The following UBAP2 variants were observed in gnomAD, a reference collection of about 807,000 sequenced individuals.
UBAP2 encodes the protein ubiquitin-associated protein 2.
UBAP2 carries 75 observed loss-of-function variants against 139.6 expected under a neutral mutation model. The observed-to-expected ratio is 0.54, with a 90% CI of 0.45 to 0.65. The LOEUF is 0.65. Ranked by LOEUF, UBAP2 falls within the 30% of genes least tolerant of loss-of-function variation. UBAP2 has a pLI of 0.00. For missense variants in UBAP2, 1,368 were observed against 1,369.6 expected, an observed-to-expected ratio of 1.00 and a Z score of 0.02; for synonymous variants, 526 against 526.2, an observed-to-expected ratio of 1.00 and a Z score of 0.01.
chr9:34,013,152 C>CAAAAAAAA (rs398010658), intron 2 of UBAP2, among the ~76,000 whole-genome samples: 1 of 78,320 alleles, frequency 1.3e-5, no homozygotes, highest in African/African-American at 5.7e-5. Context: ...GACTCTAGCT[C>CAAAAAAAA]AAAAAAAAAA....
intron 6 of UBAP2, among the ~76,000 whole-genome samples, chr9:33,976,563 G>A (rs946461808): frequency 1.3e-5 from 2 of 152,168 alleles, no homozygotes; most frequent in Non-Finnish European, 2.9e-5. Context: ...ATGATAAAGG[G>A]TAAGGTATAC....
At chr9:34,038,447 T>G (rs995150831) in intron 1 of UBAP2, among the ~76,000 whole-genome samples, 1 of 152,162 alleles carries the variant, frequency 6.6e-6, no homozygotes, top group Non-Finnish European at 1.5e-5. Context: ...CACACCTGAC[T>G]GGTTTTCGTA....
chr9:33,938,214 G>A (rs2130909526), intron 16 of UBAP2, among the ~76,000 whole-genome samples: 1 of 152,120 alleles, frequency 6.6e-6, no homozygotes, highest in Non-Finnish European at 1.5e-5. Context: ...GTCTGGTTGT[G>A]AACTCCTGGG....
intron 2 of UBAP2, among the ~76,000 whole-genome samples, chr9:34,004,377 C>T (rs1479182518): frequency 2.0e-5 from 3 of 151,874 alleles, no homozygotes; most frequent in Non-Finnish European, 2.9e-5. Context: ...CCAGCTACCC[C>T]AGAGGCTAAG....
rs1173608188 is a variant in UBAP2 at position 33,923,840 on chromosome 9, G to A, written c.2751C>T (p.Tyr917=). 3 of 1,614,240 alleles carry A rather than the reference G, an allele frequency of 1.9e-6. No homozygotes were observed. The highest frequency in any genetic ancestry group is 2.5e-6 in the Non-Finnish European group (3 of 1,180,040). ...GGAAGGCACTGGGCATGCCTGTGTA[G>A]TAGGGAAGACCAGTGTAGCTATAGC... ...PPGYSYTGLP[Y]YTGMPSAFQY... The change falls in exon 24 of 29, where the codon TAC becomes TAT. Residue 917 remains tyrosine (Y), a synonymous_variant. Transcript: ENST00000379238.
intron 1 of UBAP2, among the ~76,000 whole-genome samples, chr9:34,024,396 G>A (rs1825232066): frequency 6.6e-6 from 1 of 151,820 alleles, no homozygotes; most frequent in Admixed American, 6.6e-5. Flanking sequence ...TAATTGTAAG[G>A]GCCTCAGGAC....
At chr9:33,932,073 C>T (rs1449820673) in intron 19 of UBAP2, among the ~76,000 whole-genome samples, 4 of 152,106 alleles carry the variant, frequency 2.6e-5, no homozygotes. Flanking sequence ...TGAGCCACAC[C>T]TCAATAACCA....
At chr9:34,003,962 C>T (rs1269575879) in intron 2 of UBAP2, among the ~76,000 whole-genome samples, 5 of 151,934 alleles carry the variant, frequency 3.3e-5, no homozygotes, top group African/African-American at 9.7e-5. Context: ...TCAGGTGATC[C>T]GCCCACCTCG....
intron 16 of UBAP2, among the ~76,000 whole-genome samples, chr9:33,938,489 T>C (rs187769575): frequency 9.2e-5 from 14 of 152,264 alleles, no homozygotes; most frequent in East Asian, 7.7e-4. Context: ...CAAAAACTTA[T>C]GTTGAAACAA....
intron 8 of UBAP2, 103 bp downstream of exon 8, chr9:33,971,548 T>C (rs307680): frequency 0.026 from 19,249 of 743,790 alleles, 883 homozygotes; most frequent in East Asian, 0.13. Flanking sequence ...TGTTTTTCAT[T>C]CTTTTCCATC....
chr9:33,977,297 A>G (rs1820220140), intron 6 of UBAP2, among the ~76,000 whole-genome samples: 1 of 151,998 alleles, frequency 6.6e-6, no homozygotes, highest in Non-Finnish European at 1.5e-5. Context: ...TTAGCCTCCC[A>G]AAGTGCTGGG....
chr9:33,922,986 A>C lies in UBAP2; in HGVS notation c.3052T>G (p.Ser1018Ala). ...STTGLPDMTG[S>A]VYNKTQTFDK... ...CTCACCTGTGTCTTATTGTAGACAG[A>C]ACCAGTCATATCAGGTAGACCAGTG... Residue 1018 changes from serine to alanine, a missense_variant, in exon 27 of 29, where the codon TCT becomes GCT. Ser to Ala is a moderately conservative substitution (Grantham distance 99). Transcript: ENST00000379238. 2 of 1,614,190 alleles carry C rather than the reference A, an allele frequency of 1.2e-6. No homozygotes were observed. The highest frequency in any genetic ancestry group is 2.2e-5 in the South Asian group (2 of 91,076).
intron 2 of UBAP2, among the ~76,000 whole-genome samples, chr9:34,010,095 C>G (rs1344004422): frequency 2.1e-5 from 3 of 142,912 alleles, no homozygotes; most frequent in Admixed American, 1.4e-4. Flanking sequence ...GCATGAGCCA[C>G]CACGCCCAGC....
chr9:33,996,056 C>T (rs1822172544), intron 4 of UBAP2, 167 bp downstream of exon 4: 1 of 552,296 alleles, frequency 1.8e-6, no homozygotes, highest in East Asian at 3.1e-5. Context: ...AGAAACCATA[C>T]ATAACAAAAA....
intron 1 of UBAP2, among the ~76,000 whole-genome samples, chr9:34,028,411 C>T (rs1825600625): frequency 7.9e-6 from 1 of 126,278 alleles, no homozygotes; most frequent in Admixed American, 8.8e-5. Flanking sequence ...TGGAGTTTCA[C>T]TGTTGTCACC....
Position 33,973,144 on chromosome 9 carries a change from G to A in UBAP2, c.575+39C>T, listed in dbSNP as rs757805140. 3 of 1,592,702 alleles carry A rather than the reference G, an allele frequency of 1.9e-6. No individual in the cohort carries two copies. In the South Asian group the frequency reaches 3.3e-5, roughly 18 times the overall value. ...AAGCAACTGCAGAATAAAAACTAGG[G>A]AAGTAAATAATTATAAAAATAGGAT... On this transcript the variant is annotated intron_variant, in intron 7 of 28. Coordinates refer to ENST00000379238, the MANE Select transcript of UBAP2 (RefSeq NM_001370062.2).
intron 4 of UBAP2, 139 bp downstream of exon 4, chr9:33,996,084 C>T (rs1020953282): frequency 3.3e-5 from 20 of 607,694 alleles, no homozygotes; most frequent in Non-Finnish European, 5.4e-5. Context: ...TTCAGGTAAT[C>T]GTTCTTTCTG....
At chr9:34,033,032 T>C (rs997466319) in intron 1 of UBAP2, among the ~76,000 whole-genome samples, 8 of 152,032 alleles carry the variant, frequency 5.3e-5, no homozygotes, top group African/African-American at 1.9e-4. Context: ...CAACACACAG[T>C]ACAACTACTA....
intron 2 of UBAP2, among the ~76,000 whole-genome samples, chr9:34,016,377 G>A (rs1293377756): frequency 2.6e-5 from 2 of 77,982 alleles, no homozygotes; most frequent in Non-Finnish European, 6.3e-5. Context: ...CGGCGGTGGT[G>A]GTGGTGGTGG....
Sources: gnomAD v4.1 joint callset for allele counts (sites outside exome capture counted in the v4.1 genomes callset) on GRCh38, gnomAD v4.1.1 for gene constraint, MANE v1.5 for transcripts, NCBI Gene and HGNC (gene_info 2026-07-23, HGNC 2026-07-21) for gene names.